MECOM: variants seen among roughly 807,000 people sequenced by gnomAD.
MECOM encodes the protein MDS1 and EVI1 complex locus, also known as histone-lysine N-methyltransferase MECOM.
A neutral mutation model predicts 116.3 loss-of-function variants in MECOM; 13 were observed. That is an observed-to-expected ratio of 0.11 (90% CI 0.07 to 0.18). The LOEUF is 0.18. Among genes scored for constraint, MECOM ranks in the 10% least tolerant of loss-of-function variants. MECOM has a pLI of 1.00. For missense variants in MECOM, 1,299 were observed against 1,509.0 expected (o/e 0.86, Z 2.31); for synonymous variants, 528 against 535.2 (o/e 0.99, Z 0.19).
Position 169,378,470 on chromosome 3 carries a change from CAAGCAAGAAAGAGA to C in MECOM, c.375+2703_375+2716del, listed in dbSNP as rs1731622490. ...GAAAGAAGGAAAGCAAGCAAGCAAGCAAGCAAGAAAGAGAGAGAGAAAGAAAGAAAGAAAGAAAG... is the reference window on the plus strand; with the variant it reads ...GAAAGAAGGAAAGCAAGCAAGCAAGCGAGAGAAAGAAAGAAAGAAAGAAAG... On this transcript the variant is annotated intron_variant, in intron 2 of 16. Transcript: ENST00000651503. Among the ~76,000 whole-genome samples, 4 of 32,826 alleles carry C rather than the reference CAAGCAAGAAAGAGA, an allele frequency of 1.2e-4. No individual in the cohort carries two copies. The South Asian group carries it at 3.4e-3, about 28-fold the overall frequency. 21.5% of individuals were successfully genotyped at this position (32,826 alleles called of 152,430 possible).
chr3:169,085,079 T>G (rs781425049), intron 16 of MECOM, 36 bp from the exon 17 acceptor site: 2 of 1,612,530 alleles, frequency 1.2e-6, no homozygotes. Context: ...GTAAATGGCA[T>G]TTGAAAAACA....
chr3:169,330,555 C>T (rs1274910902), intron 2 of MECOM, among the ~76,000 whole-genome samples: 1 of 152,054 alleles, frequency 6.6e-6, no homozygotes, highest in Non-Finnish European at 1.5e-5. Context: ...GAGCAAATAA[C>T]AATCTTAATA....
At chr3:169,506,249 T>C (rs1202589637) in intron 1 of MECOM, among the ~76,000 whole-genome samples, 1 of 152,148 alleles carries the variant, frequency 6.6e-6, no homozygotes, top group African/African-American at 2.4e-5. Context: ...GATGTCCAAT[T>C]GAGATTAAAA....
Position 169,223,512 on chromosome 3 carries a change from A to C in MECOM, c.376-79680T>G, listed in dbSNP as rs543886762. ...AGTATTTCAAAGTCCTATATTTTTA[A>C]CAGGAGGTTTGAAGATAAAGTAACT... On this transcript the variant is annotated intron_variant, in intron 2 of 16. Coordinates refer to ENST00000651503, the MANE Select transcript of MECOM (RefSeq NM_004991.4). 8.5e-4 allele frequency among the ~76,000 whole-genome samples: 129 copies of C among 151,900 alleles called. 1 individual carries two copies. The highest frequency in any genetic ancestry group is 2.8e-3 in the African/African-American group (116 of 41,412).
intron 16 of MECOM, among the ~76,000 whole-genome samples, chr3:169,088,527 T>C (rs1718601541): frequency 6.6e-6 from 1 of 152,136 alleles, no homozygotes; most frequent in African/African-American, 2.4e-5. Context: ...CATTTTACTA[T>C]TAAATTACAA....
intron 1 of MECOM, among the ~76,000 whole-genome samples, chr3:169,526,835 T>C (rs1758020022): frequency 2.0e-5 from 3 of 152,176 alleles, no homozygotes; most frequent in Admixed American, 2.0e-4. Flanking sequence ...CCCTATTCAT[T>C]ACAAAGGTTT....
chr3:169,364,484 C>G (rs143289647), intron 2 of MECOM, among the ~76,000 whole-genome samples: 1 of 152,110 alleles, frequency 6.6e-6, no homozygotes, highest in Non-Finnish European at 1.5e-5. Context: ...TATCACGAGT[C>G]AACTGTGTGC....
intron 1 of MECOM, among the ~76,000 whole-genome samples, chr3:169,630,175 T>C (rs185974314): frequency 6.6e-6 from 1 of 152,286 alleles, no homozygotes; most frequent in Admixed American, 6.5e-5. Flanking sequence ...GTCATTAGCA[T>C]CTACTGTGCC....
chr3:169,323,068 A>T lies in MECOM; in HGVS notation c.375+58119T>A, dbSNP rs544865908. ...ATACAATGATGAAACACATTTTAGGAAAAAAAGAAATGGTTTTCCAGGGAA... is the reference window on the plus strand; with the variant it reads ...ATACAATGATGAAACACATTTTAGGTAAAAAAGAAATGGTTTTCCAGGGAA... On this transcript the variant is annotated intron_variant, in intron 2 of 16. Coordinates refer to ENST00000651503, the MANE Select transcript of MECOM (RefSeq NM_004991.4). Among the ~76,000 whole-genome samples, 4 of 151,280 alleles carry T rather than the reference A, an allele frequency of 2.6e-5. No individual in the cohort carries two copies. The East Asian group carries it at 7.8e-4, about 30-fold the overall frequency.
chr3:169,392,083 TTA>T (rs764384232), intron 1 of MECOM, among the ~76,000 whole-genome samples: 1 of 152,206 alleles, frequency 6.6e-6, no homozygotes, highest in Non-Finnish European at 1.5e-5. Flanking sequence ...GTTGAAATAT[TTA>T]TGTTATCTGT....
intron 1 of MECOM, among the ~76,000 whole-genome samples, chr3:169,430,768 A>G (rs751156798): frequency 6.6e-5 from 10 of 152,206 alleles, no homozygotes; most frequent in Non-Finnish European, 1.2e-4. Flanking sequence ...CCAGCCATCT[A>G]GTACCAATCA....
chr3:169,089,048 A>G lies in MECOM; in HGVS notation c.3537T>C (p.His1179=). 1 of 1,607,630 alleles carries G rather than the reference A, an allele frequency of 6.2e-7. No individual in the cohort carries two copies. The highest frequency in any genetic ancestry group is 2.2e-5 in the East Asian group (1 of 44,572). The part of the protein sequence containing the change: ...EAELSSFSTS[H]VPEELKQPLH... ...ACGGCTGCTTAAGTTCCTCTGGCAC[A>G]TGGGAAGTACTAAAAGAAGACAGCT... Residue 1179 remains histidine, a synonymous_variant, in exon 16 of 17, where the codon CAT becomes CAC. Coordinates refer to ENST00000651503, the MANE Select transcript of MECOM (RefSeq NM_004991.4).
intron 7 of MECOM, among the ~76,000 whole-genome samples, chr3:169,119,724 T>A (rs780051964): frequency 4.6e-5 from 7 of 152,152 alleles, no homozygotes; most frequent in Non-Finnish European, 7.4e-5. Flanking sequence ...AAGTACATTT[T>A]CAGGGCATTA....
chr3:169,240,771 G>A (rs1754693057), intron 2 of MECOM, among the ~76,000 whole-genome samples: 1 of 152,160 alleles, frequency 6.6e-6, no homozygotes, highest in Non-Finnish European at 1.5e-5. Flanking sequence ...GGTAGAAAAG[G>A]AGTCAGATAC....
At chr3:169,298,617 T>G (rs2149708893) in intron 2 of MECOM, among the ~76,000 whole-genome samples, 1 of 152,320 alleles carries the variant, frequency 6.6e-6, no homozygotes. Context: ...GAATAGAATG[T>G]GTCACATGGA....
chr3:169,509,159 G>A (rs1755651707), intron 1 of MECOM, among the ~76,000 whole-genome samples: 1 of 152,130 alleles, frequency 6.6e-6, no homozygotes, highest in African/African-American at 2.4e-5. Context: ...ACTAGAACTT[G>A]GTGTTAAAAG....
chr3:169,281,010 T>G (rs964841473), intron 2 of MECOM, among the ~76,000 whole-genome samples: 3 of 152,220 alleles, frequency 2.0e-5, no homozygotes, highest in Non-Finnish European at 4.4e-5. Context: ...TTTCAAAGCC[T>G]TTGGCTTGGA....
chr3:169,170,800 A>G (rs1389896898), intron 2 of MECOM, among the ~76,000 whole-genome samples: 3 of 152,188 alleles, frequency 2.0e-5, no homozygotes, highest in Non-Finnish European at 4.4e-5. Flanking sequence ...AAGGAATTCT[A>G]TTAACCCATT....
intron 1 of MECOM, among the ~76,000 whole-genome samples, chr3:169,434,385 A>G (rs1742276608): frequency 6.6e-6 from 1 of 152,040 alleles, no homozygotes; most frequent in Non-Finnish European, 1.5e-5. Flanking sequence ...CCTCAGTAAT[A>G]TGTTCCTTTG....
Sources: gnomAD v4.1 joint callset for allele counts (sites outside exome capture counted in the v4.1 genomes callset) on GRCh38, gnomAD v4.1.1 for gene constraint, MANE v1.5 for transcripts, NCBI Gene and HGNC (gene_info 2026-07-23, HGNC 2026-07-21) for gene names.